The following LRSAM1 variants were observed in gnomAD, a reference collection of about 807,000 sequenced individuals.
The protein encoded by LRSAM1 is E3 ubiquitin-protein ligase LRSAM1.
In LRSAM1, 96 loss-of-function variants were observed where a neutral mutation model predicts 118.1. The ratio of observed to expected loss-of-function variants is 0.81; its 90% CI spans 0.69 to 0.96. The LOEUF is 0.96. LRSAM1 is among the 40% of genes least tolerant of loss of function. LRSAM1 has a pLI of 0.00. For missense variants in LRSAM1, 804 were observed against 915.5 expected (o/e 0.88, Z 1.57); for synonymous variants, 322 against 364.2 (o/e 0.88, Z 1.32).
chr9:127,484,201 TTTCACTTAGCATAATGTCCTCGGG>T (rs1399873325), intron 16 of LRSAM1, among the ~76,000 whole-genome samples: 1 of 152,120 alleles, frequency 6.6e-6, no homozygotes, highest in African/African-American at 2.4e-5. Context: ...GTCTACCATA[TTTCACTTAGCATAATGTCCTCGGG>T]TTCATCCATG....
chr9:127,486,228 G>A (rs1835725568), intron 17 of LRSAM1, among the ~76,000 whole-genome samples: 1 of 152,262 alleles, frequency 6.6e-6, no homozygotes, highest in Non-Finnish European at 1.5e-5. Flanking sequence ...GCCAGGATTT[G>A]AGCCCGGCAG....
chr9:127,457,237 G>T, intron 5 of LRSAM1, 79 bp from the exon 6 acceptor site: 1 of 1,531,868 alleles, frequency 6.5e-7, no homozygotes, highest in African/African-American at 1.4e-5. Context: ...GCACGGCGCT[G>T]GGCTGGCTCC....
chr9:127,468,810 CAAAAAAAAAAA>C (rs1185949155), intron 10 of LRSAM1, among the ~76,000 whole-genome samples: 13 of 16,446 alleles, frequency 7.9e-4, no homozygotes, highest in East Asian at 1.8e-3. Context: ...CCTGTCTCTA[CAAAAAAAAAAA>C]AAAAAAAAAA....
At chr9:127,500,837 G>C (rs1222019702) in intron 24 of LRSAM1, among the ~76,000 whole-genome samples, 173 bp from the exon 25 acceptor site, 1 of 152,150 alleles carries the variant, frequency 6.6e-6, no homozygotes, top group Non-Finnish European at 1.5e-5. Flanking sequence ...GAGGCTCAGA[G>C]AAGAGAAGAA....
At chr9:127,494,367 T>C (rs1010288766) in intron 21 of LRSAM1, among the ~76,000 whole-genome samples, 4 of 152,360 alleles carry the variant, frequency 2.6e-5, no homozygotes, top group African/African-American at 9.6e-5. Context: ...GCACGGGCTC[T>C]GGAGCAAGAC....
At chr9:127,466,869 G>A (rs1287071146) in intron 9 of LRSAM1, among the ~76,000 whole-genome samples, 1 of 151,928 alleles carries the variant, frequency 6.6e-6, no homozygotes, top group Non-Finnish European at 1.5e-5. Flanking sequence ...TAGGCATGGT[G>A]GCATGTGCTT....
chr9:127,466,520 TTTTTTTTTTTC>T (rs1342392160), intron 9 of LRSAM1, among the ~76,000 whole-genome samples: 69 of 96,402 alleles, frequency 7.2e-4, no homozygotes, highest in East Asian at 1.6e-3. Flanking sequence ...TTTTTTTTTT[TTTTTTTTTTTC>T]CACTAGAGAT....
At chr9:127,500,904 C>T in intron 24 of LRSAM1, 106 bp from the exon 25 acceptor site, 5 of 1,507,662 alleles carry the variant, frequency 3.3e-6, no homozygotes, top group Non-Finnish European at 4.6e-6. Flanking sequence ...GGCTCCCCCA[C>T]CCTCCAGCTC....
chr9:127,472,459 T>G (rs1319439483), intron 10 of LRSAM1, among the ~76,000 whole-genome samples: 1 of 151,864 alleles, frequency 6.6e-6, no homozygotes, highest in Non-Finnish European at 1.5e-5. Context: ...TTTACCAACA[T>G]GCGGAAACCC....
At chr9:127,462,114 C>T (rs1011240994) in intron 8 of LRSAM1, 138 bp from the exon 9 acceptor site, 1 of 1,220,282 alleles carries the variant, frequency 8.2e-7, no homozygotes, top group Admixed American at 2.4e-5. Context: ...TGGAACTCCA[C>T]CTTCTTGAGC....
chr9:127,457,789 G>A (rs1834575064), intron 6 of LRSAM1, among the ~76,000 whole-genome samples: 1 of 152,208 alleles, frequency 6.6e-6, no homozygotes, highest in Non-Finnish European at 1.5e-5. Context: ...ACATGTGGGA[G>A]GTGTGAGCCC....
chr9:127,467,718 C>T lies in LRSAM1; in HGVS notation c.529-22C>T, dbSNP rs371724522. Reference sequence around the variant, plus strand: ...GTTGCGTTGGTAGCGAACAGTAAAGCGGGTTACCCTTGTGTCTGCAGATGC... The same window carrying T: ...GTTGCGTTGGTAGCGAACAGTAAAGTGGGTTACCCTTGTGTCTGCAGATGC... On this transcript the variant is annotated intron_variant, in intron 9 of 25. Transcript: ENST00000300417. The T allele has an allele frequency of 2.9e-4, 466 of 1,600,498 alleles. 2 individuals are homozygous for T. The highest frequency in any genetic ancestry group is 2.5e-3 in the South Asian group (221 of 88,786).
rs1835504202 is a variant in LRSAM1, at chr9:127,480,687, TTTTCA to T, written c.1044-492_1044-488del. On this transcript the variant is annotated intron_variant, in intron 14 of 25. Transcript: ENST00000300417. The stretch of plus-strand genomic sequence containing the variant: ...ACAAATGCACCAAGAAGCTGGGTTG[TTTTCA>T]TTTTGTTTTGTTTGAGACAGAGTCT... Among the ~76,000 whole-genome samples the T allele has an allele frequency of 2.0e-5, 3 of 152,194 alleles. No individual in the cohort carries two copies. The South Asian group carries it at 6.2e-4, about 32-fold the overall frequency.
rs369471343 is a variant in LRSAM1 at position 127,457,124 on chromosome 9, A to T, written c.175-192A>T. On this transcript the variant is annotated intron_variant, in intron 5 of 25. Transcript: ENST00000300417. ...TCTAAGGTCTCTTTCACCCTTGAAG[A>T]TCCAGGTTTTAAGGAAGGGCATTAG... Among the ~76,000 whole-genome samples, 136 of 152,316 alleles carry T rather than the reference A, an allele frequency of 8.9e-4. 1 individual carries two copies. The highest frequency in any genetic ancestry group is 3.2e-3 in the African/African-American group (133 of 41,568).
intron 6 of LRSAM1, 138 bp from the exon 7 acceptor site, chr9:127,458,865 C>T: frequency 1.3e-6 from 1 of 764,848 alleles, no homozygotes; most frequent in Middle Eastern, 2.3e-4. Context: ...ATGATCAACA[C>T]TGAGTGGGAA....
intron 9 of LRSAM1, among the ~76,000 whole-genome samples, chr9:127,463,246 G>C (rs1462325725): frequency 6.6e-6 from 1 of 151,944 alleles, no homozygotes; most frequent in East Asian, 1.9e-4. Flanking sequence ...GGATAACAGG[G>C]GCAGCCCAGG....
At chr9:127,460,471 C>T (rs1193410040) in intron 7 of LRSAM1, among the ~76,000 whole-genome samples, 1 of 152,222 alleles carries the variant, frequency 6.6e-6, no homozygotes, top group Admixed American at 6.5e-5. Context: ...GCAGCCTTTT[C>T]CTTAAGGCCA....
intron 4 of LRSAM1, 76 bp from the exon 5 acceptor site, chr9:127,455,500 C>A: frequency 6.9e-7 from 1 of 1,459,102 alleles, no homozygotes; most frequent in Non-Finnish European, 9.6e-7. Flanking sequence ...GTCTCTTCCT[C>A]ACGTGAATGC....
At chr9:127,462,201 G>A (rs1306475176) in intron 8 of LRSAM1, 51 bp from the exon 9 acceptor site, 3 of 1,611,638 alleles carry the variant, frequency 1.9e-6, no homozygotes, top group East Asian at 2.2e-5. Flanking sequence ...CAGGCAGGAA[G>A]CTGGTGATGG....
Sources: allele counts gnomAD v4.1 joint callset (sites outside exome capture counted in the v4.1 genomes callset), GRCh38; gene constraint gnomAD v4.1.1; transcripts MANE v1.5; gene names NCBI Gene and HGNC (gene_info 2026-07-23, HGNC 2026-07-21).